CAMKMT: variants seen among roughly 807,000 people sequenced by gnomAD.
CAMKMT encodes CaM KMT.
In CAMKMT, 53 loss-of-function variants were observed where a neutral mutation model predicts 48.0. The ratio of observed to expected loss-of-function variants is 1.10; its 90% CI spans 0.89 to 1.39. The LOEUF (loss-of-function observed/expected upper bound fraction) is 1.39, where lower values mean the gene tolerates loss of function less well. Among genes scored for constraint, CAMKMT ranks in the 40% most tolerant of loss-of-function variants. The pLI, the probability that CAMKMT is intolerant of heterozygous loss-of-function variation, is 0.00. For missense variants in CAMKMT, 428 were observed against 402.7 expected, an observed-to-expected ratio of 1.06 and a Z score of -0.54; for synonymous variants, 165 against 152.3, an observed-to-expected ratio of 1.08 and a Z score of -0.61.
At chr2:44,696,525 A>G (rs1676960051) in intron 3 of CAMKMT, among the ~76,000 whole-genome samples, 2 of 152,196 alleles carry the variant, frequency 1.3e-5, no homozygotes, top group African/African-American at 4.8e-5. Context: ...CTACTCCAAC[A>G]AAAAACTGGA....
intron 2 of CAMKMT, among the ~76,000 whole-genome samples, chr2:44,377,274 T>G (rs1316433363): frequency 6.6e-6 from 1 of 152,208 alleles, no homozygotes; most frequent in Non-Finnish European, 1.5e-5. Flanking sequence ...CCCAAAGTGC[T>G]GGGATTACAG....
At chr2:44,555,629 G>C (rs143099617) in intron 3 of CAMKMT, among the ~76,000 whole-genome samples, 144 of 152,284 alleles carry the variant, frequency 9.5e-4, no homozygotes, top group African/African-American at 3.3e-3. Flanking sequence ...GAAGCCGTGA[G>C]AGTGGGTGAG....
intron 3 of CAMKMT, among the ~76,000 whole-genome samples, chr2:44,602,876 A>C (rs2103863744): frequency 6.6e-6 from 1 of 152,124 alleles, no homozygotes; most frequent in Middle Eastern, 3.4e-3. Flanking sequence ...CACAGAGACA[A>C]ATCGTATCAC....
chr2:44,743,815 T>A (rs767419705), intron 8 of CAMKMT, 119 bp downstream of exon 8: 2 of 659,028 alleles, frequency 3.0e-6, no homozygotes, highest in Non-Finnish European at 5.3e-6. Flanking sequence ...AAAGCCACCT[T>A]AACCTCAACA....
At chr2:44,739,431 G>GCT (rs1679544764) in intron 7 of CAMKMT, among the ~76,000 whole-genome samples, 3 of 152,130 alleles carry the variant, frequency 2.0e-5, no homozygotes, top group Non-Finnish European at 2.9e-5. Flanking sequence ...CTGGAAAGAT[G>GCT]GAATTACCAA....
chr2:44,498,927 A>T (rs887993803), intron 3 of CAMKMT, among the ~76,000 whole-genome samples: 1 of 151,854 alleles, frequency 6.6e-6, no homozygotes, highest in Non-Finnish European at 1.5e-5. Context: ...GGGTTGGGGG[A>T]GGGATTTCTC....
At chr2:44,564,474 C>T (rs1668503032) in intron 3 of CAMKMT, among the ~76,000 whole-genome samples, 1 of 152,138 alleles carries the variant, frequency 6.6e-6, no homozygotes. Context: ...CACACATGGC[C>T]TAGAACTTTT....
At chr2:44,374,392 A>G (rs543383472) in intron 2 of CAMKMT, among the ~76,000 whole-genome samples, 21 of 152,340 alleles carry the variant, frequency 1.4e-4, no homozygotes, top group Non-Finnish European at 3.1e-4. Context: ...AGGAATGGAA[A>G]TGATTAAACA....
At chr2:44,447,930 A>G (rs1667091897) in intron 3 of CAMKMT, among the ~76,000 whole-genome samples, 1 of 152,198 alleles carries the variant, frequency 6.6e-6, no homozygotes, top group South Asian at 2.1e-4. Context: ...GTCTGTTTTA[A>G]TGTATTCTTA....
intron 3 of CAMKMT, among the ~76,000 whole-genome samples, chr2:44,458,042 C>CT (rs541348745): frequency 0.045 from 3,389 of 75,388 alleles, 159 homozygotes; most frequent in African/African-American, 0.085. Context: ...AGCTTTGTGA[C>CT]TTTTTTTTTT....
chr2:44,380,263 A>T (rs918313190), intron 2 of CAMKMT, among the ~76,000 whole-genome samples: 1 of 152,120 alleles, frequency 6.6e-6, no homozygotes, highest in Non-Finnish European at 1.5e-5. Context: ...CCCTGGGGAG[A>T]AGAATCTGGC....
intron 3 of CAMKMT, among the ~76,000 whole-genome samples, chr2:44,528,013 C>G (rs1666256709): frequency 6.6e-6 from 1 of 151,878 alleles, no homozygotes; most frequent in African/African-American, 2.4e-5. Flanking sequence ...CCTATTCGTT[C>G]CTTGTAGTTC....
chr2:44,438,722 G>C (rs1329838795), intron 3 of CAMKMT, among the ~76,000 whole-genome samples: 4 of 152,016 alleles, frequency 2.6e-5, no homozygotes, highest in Admixed American at 2.6e-4. Flanking sequence ...TTTTGAGATG[G>C]AGTCTCACTC....
intron 3 of CAMKMT, among the ~76,000 whole-genome samples, chr2:44,442,258 G>C (rs1666711766): frequency 1.3e-5 from 2 of 152,160 alleles, no homozygotes; most frequent in African/African-American, 4.8e-5. Context: ...CTCTAGTGGA[G>C]AGCAGGTCAG....
At chr2:44,704,132 A>G in intron 3 of CAMKMT, 151 bp from the exon 4 acceptor site, 2 of 440,342 alleles carry the variant, frequency 4.5e-6, no homozygotes. Context: ...AATAACAACA[A>G]TAAAAGACAC....
intron 3 of CAMKMT, among the ~76,000 whole-genome samples, chr2:44,476,255 AAGC>A (rs1668682788): frequency 6.6e-6 from 1 of 152,150 alleles, no homozygotes; most frequent in Non-Finnish European, 1.5e-5. Context: ...AAAGTGGTGA[AAGC>A]ATGTGGTTGG....
chr2:44,616,716 C>G (rs1410251726), intron 3 of CAMKMT, among the ~76,000 whole-genome samples: 2 of 152,048 alleles, frequency 1.3e-5, no homozygotes, highest in Non-Finnish European at 2.9e-5. Context: ...AGTCAGAAAG[C>G]CTTAATTAGA....
rs537414389 is a variant in CAMKMT at position 44,468,334 on chromosome 2, C to T, written c.376+78029C>T. ...TCACTCCAGGTACAATGGCTGTCAACGAAAAGACAAAAAATAACAAATGCT... is the reference window on the plus strand; with the variant it reads ...TCACTCCAGGTACAATGGCTGTCAATGAAAAGACAAAAAATAACAAATGCT... On this transcript the variant is annotated intron_variant, in intron 3 of 10. Transcript: ENST00000378494. Among the ~76,000 whole-genome samples the T allele has an allele frequency of 7.9e-5, 12 of 151,972 alleles. No homozygotes were observed. In the East Asian group the frequency reaches 1.5e-3, roughly 20 times the overall value.
intron 3 of CAMKMT, among the ~76,000 whole-genome samples, chr2:44,561,012 T>C (rs1668295157): frequency 6.6e-6 from 1 of 152,246 alleles, no homozygotes; most frequent in Non-Finnish European, 1.5e-5. Context: ...AATTGATAAG[T>C]ATAGCTGCCT....
Sources: allele counts gnomAD v4.1 joint callset (sites outside exome capture counted in the v4.1 genomes callset), GRCh38; gene constraint gnomAD v4.1.1; transcripts MANE v1.5; gene names NCBI Gene and HGNC (gene_info 2026-07-23, HGNC 2026-07-21).